Variants in GPR39 observed in about 807,000 individuals in gnomAD.
GPR39 encodes the protein G protein-coupled receptor 39, also known as zinc sensing receptor.
Under a neutral mutation model 18.4 loss-of-function variants are expected in GPR39, and 23 were observed. The ratio of observed to expected loss-of-function variants is 1.25; its 90% CI spans 0.90 to 1.77. The LOEUF (loss-of-function observed/expected upper bound fraction) is 1.77, where lower values mean the gene tolerates loss of function less well. Among genes scored for constraint, GPR39 ranks in the 40% most tolerant of loss-of-function variants. GPR39 has a pLI of 0.00. For missense variants in GPR39, 647 were observed against 602.4 expected, an observed-to-expected ratio of 1.07 and a Z score of -0.78; for synonymous variants, 280 against 257.9, an observed-to-expected ratio of 1.09 and a Z score of -0.82.
chr2:132,421,902 T>C (rs1428205362), intron 1 of GPR39, among the ~76,000 whole-genome samples: 2 of 152,176 alleles, frequency 1.3e-5, no homozygotes, highest in East Asian at 3.9e-4. Context: ...GGACAATCGT[T>C]ACCTGAAAAG....
intron 1 of GPR39, among the ~76,000 whole-genome samples, chr2:132,602,871 G>GAAAAAAA (rs56271366): frequency 7.2e-6 from 1 of 137,960 alleles, no homozygotes; most frequent in Non-Finnish European, 1.5e-5. Flanking sequence ...CTTAAAAAGA[G>GAAAAAAA]AAAAAAAAAA....
At chr2:132,584,877 GGACTTTTAACAGTGA>G (rs1193135480) in intron 1 of GPR39, among the ~76,000 whole-genome samples, 1 of 152,108 alleles carries the variant, frequency 6.6e-6, no homozygotes, top group African/African-American at 2.4e-5. Context: ...TCTTGTTTAT[GGACTTTTAACAGTGA>G]GAGAGAGCAT....
At chr2:132,610,190 A>T (rs1244355828) in intron 1 of GPR39, among the ~76,000 whole-genome samples, 1 of 152,166 alleles carries the variant, frequency 6.6e-6, no homozygotes, top group East Asian at 1.9e-4. Context: ...TCAAGTCCAC[A>T]TAGAGAATCT....
chr2:132,441,384 CTTT>C lies in GPR39; in HGVS notation c.856+23494_856+23496del, dbSNP rs56044915. Reference sequence around the variant, plus strand: ...CAGACTTTCTTTTCATGCATATATGCTTTTTTTTTTGTTGTTGTTGTTGTTGCA... The same window carrying C: ...CAGACTTTCTTTTCATGCATATATGCTTTTTTTGTTGTTGTTGTTGTTGCA... On this transcript the variant is annotated intron_variant, in intron 1 of 1. Transcript: ENST00000329321. 7.1e-3 allele frequency among the ~76,000 whole-genome samples: 658 copies of C among 92,508 alleles called. 2 individuals carry two copies. The highest frequency in any genetic ancestry group is 0.012 in the Admixed American group (111 of 9,518). 60.7% of individuals were successfully genotyped at this position (92,508 alleles called of 152,430 possible).
chr2:132,460,239 G>A (rs555162187), intron 1 of GPR39, among the ~76,000 whole-genome samples: 2 of 152,140 alleles, frequency 1.3e-5, no homozygotes, highest in Non-Finnish European at 2.9e-5. Context: ...GCACAGAGGG[G>A]CACAGTAACT....
chr2:132,579,203 C>G (rs540120076), intron 1 of GPR39, among the ~76,000 whole-genome samples: 301 of 150,090 alleles, frequency 2.0e-3, no homozygotes, highest in African/African-American at 7.2e-3. Context: ...TTTTAACATT[C>G]CTCTTAAGAC....
chr2:132,420,672 A>G (rs924695280), intron 1 of GPR39, among the ~76,000 whole-genome samples: 1 of 151,774 alleles, frequency 6.6e-6, no homozygotes, highest in African/African-American at 2.4e-5. Context: ...AACAATTAAG[A>G]TTGTTCGCCG....
At chr2:132,423,989 TG>T (rs1680067083) in intron 1 of GPR39, among the ~76,000 whole-genome samples, 1 of 152,214 alleles carries the variant, frequency 6.6e-6, no homozygotes, top group Non-Finnish European at 1.5e-5. Flanking sequence ...AAAAGTGTTC[TG>T]GTTCATCTGA....
intron 1 of GPR39, among the ~76,000 whole-genome samples, chr2:132,545,021 G>T (rs187001878): frequency 2.0e-5 from 3 of 152,360 alleles, no homozygotes; most frequent in Admixed American, 2.0e-4. Flanking sequence ...CACCCAAGGG[G>T]AAAAGAGGTT....
At chr2:132,541,137 G>A (rs569718630) in intron 1 of GPR39, among the ~76,000 whole-genome samples, 1 of 152,228 alleles carries the variant, frequency 6.6e-6, no homozygotes, top group Non-Finnish European at 1.5e-5. Context: ...AGGCTGGAGT[G>A]CAGTGGCACA....
intron 1 of GPR39, among the ~76,000 whole-genome samples, chr2:132,601,392 G>A (rs1442011890): frequency 2.0e-5 from 3 of 152,186 alleles, no homozygotes; most frequent in Middle Eastern, 3.4e-3. Flanking sequence ...TGCAGAAAAA[G>A]TATTTAACAC....
At chr2:132,624,582 C>T (rs1364197789) in intron 1 of GPR39, among the ~76,000 whole-genome samples, 4 of 152,204 alleles carry the variant, frequency 2.6e-5, no homozygotes, top group Non-Finnish European at 5.9e-5. Context: ...TTTGTGTCCT[C>T]TTGTACTTAT....
At chr2:132,634,157 A>G (rs1258014611) in intron 1 of GPR39, among the ~76,000 whole-genome samples, 1 of 151,470 alleles carries the variant, frequency 6.6e-6, no homozygotes, top group Non-Finnish European at 1.5e-5. Context: ...AGGTGGAGGT[A>G]AGAAAGATGG....
intron 1 of GPR39, among the ~76,000 whole-genome samples, chr2:132,614,481 C>T (rs966495864): frequency 1.3e-5 from 2 of 152,112 alleles, no homozygotes; most frequent in African/African-American, 4.8e-5. Flanking sequence ...CCTTGTGATC[C>T]ACATACCTCG....
At chr2:132,487,807 A>G (rs1226195464) in intron 1 of GPR39, among the ~76,000 whole-genome samples, 1 of 152,148 alleles carries the variant, frequency 6.6e-6, no homozygotes, top group African/African-American at 2.4e-5. Flanking sequence ...GAGAAAGTTT[A>G]CAGATATCTA....
chr2:132,475,329 G>T (rs150149356), intron 1 of GPR39, among the ~76,000 whole-genome samples: 1 of 151,448 alleles, frequency 6.6e-6, no homozygotes, highest in South Asian at 2.1e-4. Flanking sequence ...ATAGAATAGG[G>T]CCTGTATATC....
At chr2:132,538,112 G>T (rs1679792787) in intron 1 of GPR39, among the ~76,000 whole-genome samples, 2 of 152,108 alleles carry the variant, frequency 1.3e-5, no homozygotes, top group African/African-American at 4.8e-5. Context: ...CAGTCATTCG[G>T]AGGAGAAGAG....
At chr2:132,521,900 TC>T (rs1558825184) in intron 1 of GPR39, among the ~76,000 whole-genome samples, 1 of 152,216 alleles carries the variant, frequency 6.6e-6, no homozygotes, top group Admixed American at 6.5e-5. Flanking sequence ...GTGTTCTTCT[TC>T]CCCCAACCCC....
intron 1 of GPR39, among the ~76,000 whole-genome samples, chr2:132,515,435 A>C (rs2315596): frequency 0.47 from 72,121 of 152,050 alleles, 20,747 homozygotes; most frequent in Non-Finnish European, 0.65. Flanking sequence ...TATTTATTAG[A>C]TATTGAGTGA....
Sources: allele counts gnomAD v4.1 joint callset (sites outside exome capture counted in the v4.1 genomes callset), GRCh38; gene constraint gnomAD v4.1.1; transcripts MANE v1.5; gene names NCBI Gene and HGNC (gene_info 2026-07-23, HGNC 2026-07-21).